Variants in CDC42SE2 observed in about 807,000 individuals in gnomAD.
CDC42SE2 encodes the protein CDC42 small effector 2, also known as CDC42 small effector protein 2.
In CDC42SE2, 3 loss-of-function variants were observed where a neutral mutation model predicts 11.5. The ratio of observed to expected loss-of-function variants is 0.26; its 90% CI spans 0.12 to 0.67. The LOEUF (loss-of-function observed/expected upper bound fraction) is 0.67, where lower values mean the gene tolerates loss of function less well. CDC42SE2 is among the 30% of genes least tolerant of loss of function. CDC42SE2 has a pLI of 0.80. For synonymous variants in CDC42SE2, 33 were observed against 34.8 expected, an observed-to-expected ratio of 0.95 and a Z score of 0.18; for missense variants, 82 against 106.8, an observed-to-expected ratio of 0.77 and a Z score of 1.02.
At chr5:131,216,875 A>G in the CDC42SE2 span, among the ~76,000 whole-genome samples, 3,045 of 152,238 alleles carry the variant, frequency 0.02, 105 homozygotes, top group African/African-American at 0.066. Context: ...CCACACGACT[A>G]CCTGAGGAAG....
chr5:131,297,634 G>A lies in CDC42SE2; in HGVS notation c.-454-18342G>A, dbSNP rs539031512. On this transcript the variant is annotated intron_variant, in intron 1 of 4. Transcript: ENST00000505065. ...ACTTGGGAGGCTGAGGCAGGAGAAT[G>A]GCGTGAACCCGGGAGGCGGAGCTTG... 3.9e-5 allele frequency among the ~76,000 whole-genome samples: 6 copies of A among 152,150 alleles called. No individual in the cohort carries two copies. In the South Asian group the frequency reaches 1.2e-3, roughly 32 times the overall value.
At chr5:131,282,938 T>G (rs1227628301) in intron 1 of CDC42SE2, among the ~76,000 whole-genome samples, 1 of 150,612 alleles carries the variant, frequency 6.6e-6, no homozygotes, top group Non-Finnish European at 1.5e-5. Context: ...CCTTTTTTTT[T>G]TTTTTTAAGA....
chr5:131,238,831 A>G, the CDC42SE2 span, among the ~76,000 whole-genome samples: 1 of 152,188 alleles, frequency 6.6e-6, no homozygotes, highest in East Asian at 1.9e-4. Context: ...GCATTATCCT[A>G]TAATTTTGAT....
intron 1 of CDC42SE2, among the ~76,000 whole-genome samples, chr5:131,292,959 A>AAGAACATAGT (rs1215226591): frequency 1.3e-5 from 2 of 151,740 alleles, no homozygotes; most frequent in African/African-American, 4.8e-5. Flanking sequence ...AATACAGCAA[A>AAGAACATAGT]AGAACATAGT....
intron 1 of CDC42SE2, among the ~76,000 whole-genome samples, chr5:131,310,997 G>A (rs1309319165): frequency 6.7e-6 from 1 of 148,990 alleles, no homozygotes; most frequent in Non-Finnish European, 1.5e-5. Context: ...ATGTTAGCTG[G>A]TTATTTTGCT....
intron 2 of CDC42SE2, among the ~76,000 whole-genome samples, chr5:131,355,457 A>G (rs1339756943): frequency 1.3e-5 from 2 of 152,070 alleles, no homozygotes; most frequent in African/African-American, 4.8e-5. Flanking sequence ...AGCCTGGGCA[A>G]CAGAGCTGAA....
intron 2 of CDC42SE2, among the ~76,000 whole-genome samples, chr5:131,339,966 G>A (rs1203768722): frequency 6.6e-6 from 1 of 152,134 alleles, no homozygotes; most frequent in Non-Finnish European, 1.5e-5. Flanking sequence ...TCAGAGCCAA[G>A]TACGAAGACA....
chr5:131,354,282 T>C (rs1236442503), intron 2 of CDC42SE2, among the ~76,000 whole-genome samples: 1 of 152,114 alleles, frequency 6.6e-6, no homozygotes, highest in Non-Finnish European at 1.5e-5. Flanking sequence ...ATACATGTAT[T>C]ATTTAACAAA....
At chr5:131,344,632 G>C (rs1758795987) in intron 2 of CDC42SE2, among the ~76,000 whole-genome samples, 1 of 152,212 alleles carries the variant, frequency 6.6e-6, no homozygotes, top group South Asian at 2.1e-4. Context: ...GTCCCTGTCT[G>C]ACAGCTCTGA....
intron 1 of CDC42SE2, among the ~76,000 whole-genome samples, chr5:131,270,754 A>G (rs1025344507): frequency 1.3e-5 from 2 of 152,350 alleles, no homozygotes; most frequent in East Asian, 3.9e-4. Context: ...TAAAAGGTAC[A>G]GTATAGTAGT....
intron 2 of CDC42SE2, among the ~76,000 whole-genome samples, chr5:131,329,916 A>AAAAAAAG: frequency 7.2e-6 from 1 of 138,864 alleles, no homozygotes; most frequent in Non-Finnish European, 1.5e-5. Flanking sequence ...AAAAAAAAAA[A>AAAAAAAG]AAAAAAGAAG....
intron 1 of CDC42SE2, among the ~76,000 whole-genome samples, chr5:131,293,824 T>C (rs909756926): frequency 6.6e-6 from 1 of 152,220 alleles, no homozygotes; most frequent in Non-Finnish European, 1.5e-5. Context: ...ACAGTCATTT[T>C]ACTTTTAGGC....
At chr5:131,280,965 G>A (rs922153185) in intron 1 of CDC42SE2, among the ~76,000 whole-genome samples, 28 of 152,094 alleles carry the variant, frequency 1.8e-4, no homozygotes, top group African/African-American at 6.8e-4. Context: ...TTATGAATGT[G>A]AAAAATCCTT....
intron 2 of CDC42SE2, among the ~76,000 whole-genome samples, chr5:131,326,734 C>A (rs1029135400): frequency 1.3e-5 from 2 of 151,934 alleles, no homozygotes; most frequent in East Asian, 3.9e-4. Context: ...CTCACTTTGT[C>A]CTTCTTGATA....
chr5:131,359,876 T>C (rs1749658709), intron 3 of CDC42SE2, among the ~76,000 whole-genome samples: 1 of 152,206 alleles, frequency 6.6e-6, no homozygotes, highest in Admixed American at 6.5e-5. Flanking sequence ...AGTCAGTGGG[T>C]GGAAGATGTG....
the CDC42SE2 span, among the ~76,000 whole-genome samples, chr5:131,225,105 G>A: frequency 6.6e-6 from 1 of 152,170 alleles, no homozygotes; most frequent in Non-Finnish European, 1.5e-5. Flanking sequence ...CAGCAGCCTG[G>A]TTGAAATCGA....
chr5:131,286,184 C>G (rs1254597187), intron 1 of CDC42SE2, among the ~76,000 whole-genome samples: 2 of 151,440 alleles, frequency 1.3e-5, no homozygotes, highest in African/African-American at 4.9e-5. Flanking sequence ...AGCAGTCCTC[C>G]CCGGCTCAAG....
chr5:131,218,739 A>G, the CDC42SE2 span, among the ~76,000 whole-genome samples: 1 of 152,246 alleles, frequency 6.6e-6, no homozygotes, highest in Admixed American at 6.5e-5. Flanking sequence ...GATAGCGGTT[A>G]TCCTTGTTGT....
chr5:131,229,518 T>C, the CDC42SE2 span, among the ~76,000 whole-genome samples: 3 of 152,136 alleles, frequency 2.0e-5, no homozygotes, highest in Non-Finnish European at 2.9e-5. Flanking sequence ...GCCTCCCAAG[T>C]AGCTGAGACT....
Sources: allele counts gnomAD v4.1 joint callset (sites outside exome capture counted in the v4.1 genomes callset), GRCh38; gene constraint gnomAD v4.1.1; transcripts MANE v1.5; gene names NCBI Gene and HGNC (gene_info 2026-07-23, HGNC 2026-07-21).